GNAL: variants seen among roughly 807,000 people sequenced by gnomAD.
The protein encoded by GNAL is guanine nucleotide-binding protein G(olf) subunit alpha.
In GNAL, 18 loss-of-function variants were observed where a neutral mutation model predicts 55.1. That is an observed-to-expected ratio of 0.33 (90% CI 0.23 to 0.48). The LOEUF (loss-of-function observed/expected upper bound fraction) is 0.48, where lower values mean the gene tolerates loss of function less well. Ranked by LOEUF, GNAL falls within the 20% of genes least tolerant of loss-of-function variation. GNAL has a pLI of 0.99. For missense variants in GNAL, 412 were observed against 614.1 expected, an observed-to-expected ratio of 0.67 and a Z score of 3.48; for synonymous variants, 253 against 237.0, an observed-to-expected ratio of 1.07 and a Z score of -0.62.
At chr18:11,769,195 T>C (rs888856044) in intron 4 of GNAL, among the ~76,000 whole-genome samples, 1 of 116,880 alleles carries the variant, frequency 8.6e-6, no homozygotes, top group African/African-American at 2.9e-5. Context: ...TTATATAAAT[T>C]ATATATAATA....
At chr18:11,812,122 G>A (rs1348360417) in intron 4 of GNAL, among the ~76,000 whole-genome samples, 1 of 151,816 alleles carries the variant, frequency 6.6e-6, no homozygotes, top group Non-Finnish European at 1.5e-5. Context: ...TAATTTTGTG[G>A]GAAAAAAAAT....
chr18:11,753,159 G>A (rs1351330884), intron 2 of GNAL, among the ~76,000 whole-genome samples: 1 of 152,016 alleles, frequency 6.6e-6, no homozygotes, highest in African/African-American at 2.4e-5. Context: ...GGTATTCTTG[G>A]AGTGTTGATC....
intron 4 of GNAL, among the ~76,000 whole-genome samples, chr18:11,822,792 G>C (rs1394075338): frequency 2.8e-5 from 4 of 143,630 alleles, no homozygotes; most frequent in Non-Finnish European, 6.0e-5. Flanking sequence ...GCAGGGCCTG[G>C]AGCAATATTG....
chr18:11,730,846 T>C (rs1431513729), intron 1 of GNAL, among the ~76,000 whole-genome samples: 1 of 152,172 alleles, frequency 6.6e-6, no homozygotes, highest in Non-Finnish European at 1.5e-5. Flanking sequence ...CTATCTGTCA[T>C]GTGATACTAT....
rs190248808 is a variant in GNAL at position 11,750,324 on chromosome 18, G to A, written c.377-2529G>A. Among the ~76,000 whole-genome samples the A allele has an allele frequency of 3.9e-5, 6 of 152,240 alleles. No individual in the cohort carries two copies. The East Asian group carries it at 7.7e-4, about 20-fold the overall frequency. On this transcript the variant is annotated intron_variant, in intron 1 of 11. Transcript: ENST00000334049. The stretch of plus-strand genomic sequence containing the variant: ...GGCAAGGTGAATTCCAGACACCTGC[G>A]GCACCGTGGGGGCGGTGTGTCTGGG...
rs1451137932 is a variant in GNAL, at chr18:11,880,290, G to C, written c.1231-699G>C. On this transcript the variant is annotated intron_variant, in intron 11 of 11. Coordinates refer to ENST00000334049, the MANE Select transcript of GNAL (RefSeq NM_182978.4). The stretch of plus-strand genomic sequence containing the variant: ...AAAAAAACAAACAAGCTAATTAGGT[G>C]GGGCACAGTGGCTCATGCCTATAAT... Among the ~76,000 whole-genome samples, 4 of 147,964 alleles carry C rather than the reference G, an allele frequency of 2.7e-5. 1 individual carries two copies. In the South Asian group the frequency reaches 9.1e-4, roughly 34 times the overall value.
chr18:11,774,730 A>T (rs1202696248), intron 4 of GNAL, among the ~76,000 whole-genome samples: 1 of 152,170 alleles, frequency 6.6e-6, no homozygotes, highest in Non-Finnish European at 1.5e-5. Context: ...GTGTACTGTG[A>T]GGTGACCTTT....
intron 1 of GNAL, chr18:11,746,855 G>A: frequency 1.9e-6 from 1 of 531,400 alleles, no homozygotes; most frequent in East Asian, 5.3e-5. Flanking sequence ...TGAACATCAT[G>A]AAACCCTCTT....
At chr18:11,736,605 C>T (rs1459904202) in intron 1 of GNAL, among the ~76,000 whole-genome samples, 1 of 152,172 alleles carries the variant, frequency 6.6e-6, no homozygotes, top group African/African-American at 2.4e-5. Context: ...TTAGAAGCTG[C>T]TGGTGGTGAT....
chr18:11,776,967 A>G (rs1372170572), intron 4 of GNAL, among the ~76,000 whole-genome samples: 1 of 152,242 alleles, frequency 6.6e-6, no homozygotes, highest in Admixed American at 6.5e-5. Context: ...TCATAAAAGC[A>G]TGAAGGTTGT....
In GNAL at chr18:11,824,585, G is replaced by A. The variant is rs149301096; in HGVS notation, c.625-333G>A. ...TGCCTGTAATCCCAGTTTCTCGGGAGGCTGAGGCAGGAGAATCGCTTGAAC... is the reference window on the plus strand; with the variant it reads ...TGCCTGTAATCCCAGTTTCTCGGGAAGCTGAGGCAGGAGAATCGCTTGAAC... On this transcript the variant is annotated intron_variant, in intron 4 of 11. Coordinates refer to ENST00000334049, the MANE Select transcript of GNAL (RefSeq NM_182978.4). 4.6e-3 allele frequency among the ~76,000 whole-genome samples: 693 copies of A among 152,238 alleles called. 4 individuals are homozygous for A. Among genetic ancestry groups the A allele is most frequent in the African/African-American group, 0.016 (659 of 41,522 alleles).
intron 5 of GNAL, chr18:11,851,346 T>C (rs375820819): frequency 8.5e-5 from 77 of 903,688 alleles, no homozygotes; most frequent in African/African-American, 5.2e-4. Flanking sequence ...TCCCGCAGGC[T>C]CCGCCTTTGG....
Position 11,884,947 on chromosome 18 carries a change from A to C in GNAL, c.*3812A>C. On this transcript the variant is annotated 3_prime_UTR_variant, in exon 12 of 12. Transcript: ENST00000334049. ...AGTGGGGGATCCATAACAGAGATTC[A>C]GAGAGGCACCGTGGAGTTCCAGGGT... is the stretch of plus-strand genomic sequence containing the variant. 1 of 1,289,584 alleles carries C rather than the reference A, an allele frequency of 7.8e-7. No individual in the cohort carries two copies. The highest frequency in any genetic ancestry group is 1.5e-5 in the African/African-American group (1 of 65,758). The allele number at this position is 1,289,584 out of a possible 1,614,324, so 79.9% of individuals were successfully genotyped here. A position where few individuals can be genotyped will look rare whatever the true frequency, so the allele number is the denominator to read the frequency against.
rs1489178075 is a variant in GNAL at position 11,868,220 on chromosome 18, A to G, written c.911-323A>G. 6.6e-6 allele frequency among the ~76,000 whole-genome samples: 1 copy of G among 152,142 alleles called. No individual in the cohort carries two copies. Among genetic ancestry groups the G allele is most frequent in the Admixed American group, 6.5e-5 (1 of 15,268 alleles). Reference sequence around the variant, plus strand: ...GAGGCTGAGGCAGGAGAATCACTTGAACCTGGGAGGCGGAAGTTGCAGTGA... The same window carrying G: ...GAGGCTGAGGCAGGAGAATCACTTGGACCTGGGAGGCGGAAGTTGCAGTGA... On this transcript the variant is annotated intron_variant, in intron 8 of 11. Coordinates refer to ENST00000334049, the MANE Select transcript of GNAL (RefSeq NM_182978.4). This position sits in a 1 kb window ranked among gnomAD's most constrained non-coding sequence, Gnocchi z 4.0.
At chr18:11,780,722 G>A (rs1316894522) in intron 4 of GNAL, among the ~76,000 whole-genome samples, 1 of 152,180 alleles carries the variant, frequency 6.6e-6, no homozygotes, top group East Asian at 1.9e-4. Flanking sequence ...GAGTTACACT[G>A]AGGAATGAAT....
Position 11,752,309 on chromosome 18 carries a change from G to A in GNAL, c.377-544G>A, listed in dbSNP as rs2032872004. ...GCTCTGAATCGGAAAACACCGAAGA[G>A]ACCAGACCATCTCTTTCAGCAGCAG... On this transcript the variant is annotated intron_variant, in intron 1 of 11. Coordinates refer to ENST00000334049, the MANE Select transcript of GNAL (RefSeq NM_182978.4). This position sits in a 1 kb window ranked among gnomAD's most constrained non-coding sequence, Gnocchi z 4.5. 8.8e-6 allele frequency: 13 copies of A among 1,470,046 alleles called. No homozygotes were observed. The highest frequency in any genetic ancestry group is 5.3e-5 in the Admixed American group (2 of 37,498). The allele number at this position is 1,470,046 out of a possible 1,614,324, so 91.1% of individuals were successfully genotyped here.
intron 1 of GNAL, among the ~76,000 whole-genome samples, chr18:11,735,954 C>G (rs1385382285): frequency 6.6e-6 from 1 of 152,138 alleles, no homozygotes; most frequent in African/African-American, 2.4e-5. Flanking sequence ...TCCCCCTGTT[C>G]ATATACAAGA....
chr18:11,775,699 G>C (rs2033764088), intron 4 of GNAL, among the ~76,000 whole-genome samples: 1 of 152,178 alleles, frequency 6.6e-6, no homozygotes, highest in Non-Finnish European at 1.5e-5. Flanking sequence ...TCTGTGTGGG[G>C]GCAAATTCCC....
chr18:11,742,350 G>A (rs551063876), intron 1 of GNAL, among the ~76,000 whole-genome samples: 8 of 150,860 alleles, frequency 5.3e-5, no homozygotes, highest in Non-Finnish European at 1.0e-4. Context: ...TTGAATGATC[G>A]TCATAATTAC....
Sources: gnomAD v4.1 joint callset for allele counts (sites outside exome capture counted in the v4.1 genomes callset) on GRCh38, gnomAD v4.1.1 for gene constraint, Gnocchi (gnomAD v3.1) non-coding constraint, MANE v1.5 for transcripts, NCBI Gene and HGNC (gene_info 2026-07-23, HGNC 2026-07-21) for gene names.